The following MISP variants were observed in gnomAD, a reference collection of about 807,000 sequenced individuals.
MISP encodes mitotic spindle positioning.
In MISP, 51 loss-of-function variants were observed where a neutral mutation model predicts 49.3. That is an observed-to-expected ratio of 1.03 (90% confidence interval 0.83 to 1.31). MISP has a LOEUF of 1.31. MISP is among the 50% of genes most tolerant of loss of function. The pLI, the probability that MISP is intolerant of heterozygous loss-of-function variation, is 0.00. For missense variants in MISP, 1,084 were observed against 935.1 expected (o/e 1.16, Z -2.08); for synonymous variants, 444 against 392.6 (o/e 1.13, Z -1.55).
chr19:754,274 C>T (rs181564483), intron 1 of MISP, among the ~76,000 whole-genome samples: 196 of 152,300 alleles, frequency 1.3e-3, no homozygotes, highest in African/African-American at 4.6e-3. Flanking sequence ...ACCATCCTGG[C>T]TAATATGGTG....
intron 1 of MISP, among the ~76,000 whole-genome samples, chr19:751,889 C>T (rs1056754604): frequency 6.6e-6 from 1 of 152,122 alleles, no homozygotes; most frequent in African/African-American, 2.4e-5. Flanking sequence ...GTCTGAGTCT[C>T]GGCCCCACAA....
chr19:759,856 G>T (rs1485393493), intron 2 of MISP, 53 bp from the exon 3 acceptor site: 9 of 1,603,798 alleles, frequency 5.6e-6, no homozygotes, highest in South Asian at 1.1e-5. Flanking sequence ...TCTGTCTCCC[G>T]AGCAGAGGTC....
chr19:758,502 A>G lies in MISP; in HGVS notation c.1556A>G (p.Gln519Arg), dbSNP rs772585928. 6.2e-7 allele frequency: 1 copy of G among 1,614,088 alleles called. No individual in the cohort carries two copies. Among genetic ancestry groups the G allele is most frequent in the Non-Finnish European group, 8.5e-7 (1 of 1,179,970 alleles). Residue 519 changes from glutamine (Q) to arginine (R), a missense_variant, in exon 2 of 5, where the codon CAG (glutamine) becomes CGG (arginine). Transcript: ENST00000215582. ...LRFRAPDEPQ[Q>R]AQVPHVWGWE... is the part of the protein sequence containing the mutation. ...TTCAGGGCCCCAGACGAGCCCCAGCAGGCCCAAGTCCCCCATGTCTGGGGC... is the reference window on the plus strand; with the variant it reads ...TTCAGGGCCCCAGACGAGCCCCAGCGGGCCCAAGTCCCCCATGTCTGGGGC...
At position 757,883 on chromosome 19, in the gene MISP, C is replaced by T. The variant is rs755292570; in HGVS notation, c.937C>T (p.Leu313Phe). 6.2e-7 allele frequency: 1 copy of T among 1,607,232 alleles called. No individual in the cohort carries two copies. The highest frequency in any genetic ancestry group is 1.1e-5 in the South Asian group (1 of 91,036). Residue 313 changes from leucine to phenylalanine, a missense_variant, in exon 2 of 5, where the codon CTT becomes TTT. Transcript: ENST00000215582. ...READLREQRGLRQATDHQELV... is the reference protein window; with the variant it reads ...READLREQRGFRQATDHQELV... ...GGCAGACCTGCGAGAGCAGAGGGGGCTTCGGCAGGCAACCGACCACCAGGA... is the reference window on the plus strand; with the variant it reads ...GGCAGACCTGCGAGAGCAGAGGGGGTTTCGGCAGGCAACCGACCACCAGGA...
intron 4 of MISP, among the ~76,000 whole-genome samples, chr19:762,657 T>G (rs144170620): frequency 6.6e-6 from 1 of 151,862 alleles, no homozygotes; most frequent in African/African-American, 2.4e-5. Context: ...ATTTTTATTT[T>G]TTTTTATTTT....
At chr19:763,477 G>A (rs1416238265) in intron 4 of MISP, 24 bp from the exon 5 acceptor site, 3 of 1,581,914 alleles carry the variant, frequency 1.9e-6, no homozygotes, top group African/African-American at 2.7e-5. Flanking sequence ...CTGGATCGGG[G>A]GAATTCATGC....
chr19:751,647 G>T (rs1412666564), intron 1 of MISP, among the ~76,000 whole-genome samples: 1 of 152,184 alleles, frequency 6.6e-6, no homozygotes. Flanking sequence ...CGGAGGAGGG[G>T]TGGCTGAGTA....
At chr19:760,364 CTTTTTT>C (rs34363064) in intron 3 of MISP, 1,781 of 129,728 alleles carry the variant, frequency 0.014, 37 homozygotes, top group African/African-American at 0.056. Flanking sequence ...GCATTAGTTT[CTTTTTT>C]TTTTTTTTTT....
upstream of MISP, among the ~76,000 whole-genome samples, chr19:749,678 A>C (rs2144946830): frequency 6.6e-6 from 1 of 152,292 alleles, no homozygotes; most frequent in African/African-American, 2.4e-5. Flanking sequence ...TAAAAATACA[A>C]AAATAGCTGG....
At position 758,746 on chromosome 19, in the gene MISP, A is replaced by G. The variant is rs1296278724; in HGVS notation, c.1780+20A>G. On this transcript the variant is annotated intron_variant, in intron 2 of 4. Coordinates refer to ENST00000215582, the MANE Select transcript of MISP (RefSeq NM_173481.4). Reference sequence around the variant, plus strand: ...CATCCGGTGAGAAGGGGCTCCAGGGAGTGGCTGCTTGGCTCAGGGTCTCAG... The same window carrying G: ...CATCCGGTGAGAAGGGGCTCCAGGGGGTGGCTGCTTGGCTCAGGGTCTCAG... 6.3e-7 allele frequency: 1 copy of G among 1,596,488 alleles called. No homozygotes were observed. Among genetic ancestry groups the G allele is most frequent in the Admixed American group, 1.7e-5 (1 of 58,934 alleles).
rs370093371 is a variant in MISP at position 757,970 on chromosome 19, C to T, written c.1024C>T (p.Arg342Trp). The stretch of plus-strand genomic sequence containing the variant: ...GCTGAGCCTGATCACAGCCCCACGG[C>T]GGGAGAGAGGGCGCCCGTCCCTCTA... ...TKLSLITAPR[R>W]ERGRPSLYVQ... The change falls in exon 2 of 5, where the codon CGG becomes TGG. Residue 342 changes from arginine (R) to tryptophan (W), a missense_variant. Coordinates refer to ENST00000215582, the MANE Select transcript of MISP (RefSeq NM_173481.4). The T allele has an allele frequency of 2.6e-5, 42 of 1,585,082 alleles. No individual in the cohort carries two copies. The highest frequency in any genetic ancestry group is 1.7e-4 in the Admixed American group (10 of 57,754).
Position 753,020 on chromosome 19 carries a change from G to A in MISP, c.-58+1849G>A, listed in dbSNP as rs117618068. 1.3e-3 allele frequency among the ~76,000 whole-genome samples: 194 copies of A among 152,338 alleles called. 1 individual carries two copies. The highest frequency in any genetic ancestry group is 3.4e-3 in the Middle Eastern group (1 of 294). ...TATACCAGACTCTGGGCTGCAGGAA[G>A]GGTGCTGACCTGTGGCCACAGCAGG... On this transcript the variant is annotated intron_variant, in intron 1 of 4. Coordinates refer to ENST00000215582, the MANE Select transcript of MISP (RefSeq NM_173481.4).
intron 1 of MISP, among the ~76,000 whole-genome samples, chr19:756,472 A>G (rs1599182386): frequency 6.6e-6 from 1 of 152,126 alleles, no homozygotes; most frequent in East Asian, 1.9e-4. Context: ...AGGCCAGAGA[A>G]TGGGCTACTC....
chr19:763,406 C>G, intron 4 of MISP, 95 bp from the exon 5 acceptor site: 2 of 821,362 alleles, frequency 2.4e-6, no homozygotes, highest in Non-Finnish European at 4.2e-6. Flanking sequence ...ACTTTACCCC[C>G]GTTCTAGGCC....
chr19:752,649 G>C (rs2144950932), intron 1 of MISP, among the ~76,000 whole-genome samples: 1 of 151,984 alleles, frequency 6.6e-6, no homozygotes, highest in African/African-American at 2.4e-5. Flanking sequence ...TCACTGGGGA[G>C]GAATGAGCAG....
At chr19:754,858 G>A (rs2033521719) in intron 1 of MISP, among the ~76,000 whole-genome samples, 1 of 151,820 alleles carries the variant, frequency 6.6e-6, no homozygotes, top group African/African-American at 2.4e-5. Flanking sequence ...GCCTGGTTTG[G>A]GGTGGAAGAG....
rs149462578 is a variant in MISP at position 752,904 on chromosome 19, C to T, written c.-58+1733C>T. Among the ~76,000 whole-genome samples the T allele has an allele frequency of 2.1e-3, 315 of 152,322 alleles. 1 individual carries two copies. Among genetic ancestry groups the T allele is most frequent in the Non-Finnish European group, 3.8e-3 (257 of 68,028 alleles). On this transcript the variant is annotated intron_variant, in intron 1 of 4. Transcript: ENST00000215582. ...TCAGGGCCAGAAGGCACGGTGGAGC[C>T]GGTCTGCATTCCGCAATGAGCCCGA...
At chr19:752,297 G>A (rs1483821575) in intron 1 of MISP, among the ~76,000 whole-genome samples, 2 of 152,186 alleles carry the variant, frequency 1.3e-5, no homozygotes, top group African/African-American at 2.4e-5. Context: ...CAAGAATGCC[G>A]GCCATGAGAG....
chr19:758,411 C>A lies in MISP; in HGVS notation c.1465C>A (p.Arg489=). 1 of 1,614,232 alleles carries A rather than the reference C, an allele frequency of 6.2e-7. No individual in the cohort carries two copies. The highest frequency in any genetic ancestry group is 8.5e-7 in the Non-Finnish European group (1 of 1,180,046). ...AAAGCAAGAGGCATCGAAGCCCCCT[C>A]GGGGATGCCCGCAAGCCAACAGGGG... ...STKQEASKPP[R]GCPQANRGVV... Residue 489 remains arginine, a synonymous_variant, in exon 2 of 5, where the codon CGG becomes AGG. Transcript: ENST00000215582.
Sources: allele counts gnomAD v4.1 joint callset (sites outside exome capture counted in the v4.1 genomes callset), GRCh38; gene constraint gnomAD v4.1.1; transcripts MANE v1.5; gene names NCBI Gene and HGNC (gene_info 2026-07-23, HGNC 2026-07-21).